Variants in DPPA2 observed in about 807,000 individuals in gnomAD.
DPPA2 encodes the protein developmental pluripotency-associated protein 2.
A neutral mutation model predicts 36.2 loss-of-function variants in DPPA2; 26 were observed. That is an observed-to-expected ratio of 0.72 (90% confidence interval 0.53 to 1.00). DPPA2 has a LOEUF of 1.00. DPPA2 is among the 50% of genes least tolerant of loss of function. The pLI, the probability that DPPA2 is intolerant of heterozygous loss-of-function variation, is 0.00. For missense variants in DPPA2, 361 were observed against 365.1 expected (o/e 0.99, Z 0.09); for synonymous variants, 113 against 123.2 (o/e 0.92, Z 0.55).
chr3:109,296,127 G>A (rs1366861195), intron 8 of DPPA2, among the ~76,000 whole-genome samples: 1 of 152,134 alleles, frequency 6.6e-6, no homozygotes, highest in Non-Finnish European at 1.5e-5. Context: ...GTGAAGCAAT[G>A]ACTGAAAATA....
chr3:109,316,114 G>T (rs1707779987), intron 1 of DPPA2, among the ~76,000 whole-genome samples, 170 bp downstream of exon 1: 1 of 151,782 alleles, frequency 6.6e-6, no homozygotes, highest in South Asian at 2.1e-4. Flanking sequence ...GCTGGAGTGC[G>T]GTGGCGCGAT....
At position 109,300,435 on chromosome 3, in the gene DPPA2, C is replaced by G; in HGVS notation, c.855G>C (p.Arg285Ser). 1 of 1,613,862 alleles carries G rather than the reference C, an allele frequency of 6.2e-7. No individual in the cohort carries two copies. The highest frequency in any genetic ancestry group is 2.2e-5 in the East Asian group (1 of 44,878). The change falls in exon 8 of 9, where the codon AGG becomes AGC. Residue 285 changes from arginine to serine, a missense_variant and splice_region_variant. Transcript: ENST00000478945. The part of the protein sequence containing the change: ...DNMLCPDCAK[R>S]NKKMMKRLMT... ...TTAATCTTTTCATCATCTTCTTATT[C>G]CTGTAAGGCAAGTAGAAAAGAACTG... is the stretch of plus-strand genomic sequence containing the variant.
intron 5 of DPPA2, 46 bp downstream of exon 5, chr3:109,308,980 C>A: frequency 1.2e-6 from 2 of 1,612,222 alleles, no homozygotes; most frequent in South Asian, 2.2e-5. Context: ...CCGGACGAAT[C>A]ATGATCAGAA....
intron 7 of DPPA2, 68 bp from the exon 8 acceptor site, chr3:109,300,503 C>G (rs1173767337): frequency 8.2e-6 from 12 of 1,468,078 alleles, no homozygotes; most frequent in Admixed American, 1.7e-5. Flanking sequence ...TTACCAATCC[C>G]TTTAAAATGA....
intron 3 of DPPA2, among the ~76,000 whole-genome samples, chr3:109,310,473 T>C (rs578187153): frequency 6.7e-6 from 1 of 149,052 alleles, no homozygotes; most frequent in African/African-American, 2.5e-5. Flanking sequence ...CCCATTATAA[T>C]AGCAGACCTG....
chr3:109,297,669 C>A (rs932858830), intron 8 of DPPA2, among the ~76,000 whole-genome samples: 67 of 152,162 alleles, frequency 4.4e-4, no homozygotes, highest in Admixed American at 2.6e-4. Context: ...GCTACAGCCA[C>A]TTTTAAAGAC....
At chr3:109,307,899 T>A in intron 6 of DPPA2, 133 bp downstream of exon 6, 1 of 1,188,594 alleles carries the variant, frequency 8.4e-7, no homozygotes, top group Non-Finnish European at 1.2e-6. Flanking sequence ...AAGAAAGATG[T>A]CCCATGTGAA....
In DPPA2 at chr3:109,299,250, C is replaced by T. The variant is rs12636201; in HGVS notation, c.*22+1121G>A. Among the ~76,000 whole-genome samples, 943 of 151,854 alleles carry T rather than the reference C, an allele frequency of 6.2e-3. 28 individuals are homozygous for T. The highest frequency in any genetic ancestry group is 0.046 in the Admixed American group (708 of 15,226). On this transcript the variant is annotated intron_variant, in intron 8 of 8. Transcript: ENST00000478945. ...ACTGGGGGCTGGGTGCGGTGGCTCCCGCCTGTAATCCCAGCACTTTGGGAA... is the reference window on the plus strand; with the variant it reads ...ACTGGGGGCTGGGTGCGGTGGCTCCTGCCTGTAATCCCAGCACTTTGGGAA...
chr3:109,313,566 T>C (rs1258090529), intron 2 of DPPA2, among the ~76,000 whole-genome samples: 1 of 152,248 alleles, frequency 6.6e-6, no homozygotes. Flanking sequence ...TCTCATAGTA[T>C]ACTTGTAGTA....
In DPPA2 at chr3:109,308,220, G is replaced by T; in HGVS notation, c.470C>A (p.Ala157Glu). 6.2e-7 allele frequency: 1 copy of T among 1,614,174 alleles called. No individual in the cohort carries two copies. The highest frequency in any genetic ancestry group is 8.5e-7 in the Non-Finnish European group (1 of 1,180,028). Residue 157 changes from alanine to glutamate, a missense_variant, in exon 6 of 9, where the codon GCA becomes GAA. Transcript: ENST00000478945. ...CATCTCATAACTTCTCTGAAGCCTT[G>T]CTCTCTTGGTCACTGCCTTGCGTTT... ...SRKRKAVTKR[A>E]RLQRSYEMNE...
At position 109,314,446 on chromosome 3, in the gene DPPA2, G is replaced by A; in HGVS notation, c.33+64C>T. ...ATTTGTGGTAAAAGAGAAACATAAG[G>A]GAGACCTAGAAAGACTCTGAAAAGC... On this transcript the variant is annotated intron_variant, in intron 2 of 8. Transcript: ENST00000478945. 10 of 1,541,610 alleles carry A rather than the reference G, an allele frequency of 6.5e-6. No homozygotes were observed. In the South Asian group the frequency reaches 1.2e-4, roughly 18 times the overall value.
intron 2 of DPPA2, among the ~76,000 whole-genome samples, chr3:109,314,251 T>C (rs1170298397): frequency 6.6e-6 from 1 of 152,200 alleles, no homozygotes; most frequent in African/African-American, 2.4e-5. Flanking sequence ...GCACTTCTCA[T>C]CTTTCCTACC....
intron 1 of DPPA2, among the ~76,000 whole-genome samples, chr3:109,315,389 TGGA>T (rs1707770937): frequency 1.3e-5 from 2 of 152,224 alleles, no homozygotes; most frequent in South Asian, 2.1e-4. Context: ...TTGAGCTGGT[TGGA>T]GGAGAAGGAT....
At chr3:109,302,771 A>AG (rs35234646) in intron 7 of DPPA2, among the ~76,000 whole-genome samples, 6 of 151,248 alleles carry the variant, frequency 4.0e-5, no homozygotes, top group Non-Finnish European at 8.9e-5. Context: ...AAAAAAAAAA[A>AG]GCCCTTAATT....
Position 109,300,433 on chromosome 3 carries a change from T to C in DPPA2, c.857A>G (p.Asn286Ser). ...NMLCPDCAKRNKKMMKRLMTV... is the reference protein window; with the variant it reads ...NMLCPDCAKRSKKMMKRLMTV... ...CATTAATCTTTTCATCATCTTCTTA[T>C]TCCTGTAAGGCAAGTAGAAAAGAAC... Residue 286 changes from asparagine to serine, a missense_variant and splice_region_variant, in exon 8 of 9, where the codon AAT (asparagine) becomes AGT (serine). Asn to Ser is a conservative substitution (Grantham distance 46). Transcript: ENST00000478945. 6.2e-7 allele frequency: 1 copy of C among 1,613,982 alleles called. No individual in the cohort carries two copies. Among genetic ancestry groups the C allele is most frequent in the East Asian group, 2.2e-5 (1 of 44,882 alleles).
Position 109,309,092 on chromosome 3 carries a change from A to T in DPPA2, c.343-13T>A. The T allele has an allele frequency of 6.2e-7, 1 of 1,614,220 alleles. No individual in the cohort carries two copies. The highest frequency in any genetic ancestry group is 1.1e-5 in the South Asian group (1 of 91,088). On this transcript the variant is annotated splice_polypyrimidine_tract_variant and intron_variant, in intron 4 of 8. Transcript: ENST00000478945. ...AAACTTCGATTTTCTTAGGAAATGAAGAGAGAGATTAAGTTAAAAGTTGAC... is the reference window on the plus strand; with the variant it reads ...AAACTTCGATTTTCTTAGGAAATGATGAGAGAGATTAAGTTAAAAGTTGAC...
chr3:109,296,241 G>A (rs1388330017), intron 8 of DPPA2, among the ~76,000 whole-genome samples: 3 of 152,020 alleles, frequency 2.0e-5, no homozygotes, highest in Non-Finnish European at 4.4e-5. Context: ...TACTCAAACT[G>A]CAGAAAAACA....
chr3:109,309,108 A>G, intron 4 of DPPA2, 29 bp from the exon 5 acceptor site: 1 of 1,614,150 alleles, frequency 6.2e-7, no homozygotes, highest in Non-Finnish European at 8.5e-7. Context: ...AGATTAAGTT[A>G]AAAGTTGACA....
At chr3:109,311,904 C>T (rs1453472325) in intron 3 of DPPA2, among the ~76,000 whole-genome samples, 1 of 152,122 alleles carries the variant, frequency 6.6e-6, no homozygotes, top group Non-Finnish European at 1.5e-5. Flanking sequence ...ATTTAATCTT[C>T]GTAGGAGGCA....
Sources: gnomAD v4.1 joint callset for allele counts (sites outside exome capture counted in the v4.1 genomes callset) on GRCh38, gnomAD v4.1.1 for gene constraint, MANE v1.5 for transcripts, NCBI Gene and HGNC (gene_info 2026-07-23, HGNC 2026-07-21) for gene names.